DLG2: variants seen among roughly 807,000 people sequenced by gnomAD.
The protein encoded by DLG2 is disks large homolog 2.
Under a neutral mutation model 132.5 loss-of-function variants are expected in DLG2, and 45 were observed. That is an observed-to-expected ratio of 0.34 (90% confidence interval 0.27 to 0.44). The LOEUF (loss-of-function observed/expected upper bound fraction) is 0.44. Ranked by LOEUF, DLG2 falls within the 20% of genes least tolerant of loss-of-function variation. The pLI, the probability that DLG2 is intolerant of heterozygous loss-of-function variation, is 1.00. For missense variants in DLG2, 1,045 were observed against 1,196.9 expected, an observed-to-expected ratio of 0.87 and a Z score of 1.87; for synonymous variants, 424 against 419.6, an observed-to-expected ratio of 1.01 and a Z score of -0.13.
At chr11:83,882,432 G>C (rs1330095506) in intron 15 of DLG2, among the ~76,000 whole-genome samples, 1 of 151,674 alleles carries the variant, frequency 6.6e-6, no homozygotes, top group Non-Finnish European at 1.5e-5. Flanking sequence ...ATGGATATAA[G>C]TATGAAGAAA....
chr11:85,419,295 G>T (rs1274016769), intron 3 of DLG2, among the ~76,000 whole-genome samples: 1 of 152,180 alleles, frequency 6.6e-6, no homozygotes, highest in Non-Finnish European at 1.5e-5. Context: ...GAGATCTGAT[G>T]TTAGTCTGAT....
intron 4 of DLG2, among the ~76,000 whole-genome samples, chr11:85,283,462 TTAATAA>T (rs999850645): frequency 6.8e-6 from 1 of 146,912 alleles, no homozygotes; most frequent in East Asian, 2.0e-4. Flanking sequence ...ATAAGCAAAA[TTAATAA>T]TAATAAACAA....
chr11:85,121,817 T>G (rs149474236), intron 5 of DLG2, among the ~76,000 whole-genome samples: 1 of 152,322 alleles, frequency 6.6e-6, no homozygotes, highest in Non-Finnish European at 1.5e-5. Context: ...AACTATTTAT[T>G]GTGAAATGCA....
At chr11:85,021,365 C>T in intron 6 of DLG2, 11 of 1,327,510 alleles carry the variant, frequency 8.3e-6, no homozygotes, top group Non-Finnish European at 1.2e-5. Flanking sequence ...GATCGTTTCA[C>T]ACCTGCTTTT....
At chr11:84,294,458 T>G (rs2098059243) in intron 7 of DLG2, among the ~76,000 whole-genome samples, 1 of 151,488 alleles carries the variant, frequency 6.6e-6, no homozygotes, top group African/African-American at 2.4e-5. Flanking sequence ...ATAAGAAGGG[T>G]GTGTTGGCGC....
intron 6 of DLG2, among the ~76,000 whole-genome samples, chr11:84,996,616 A>G (rs1156415897): frequency 3.3e-5 from 5 of 152,190 alleles, no homozygotes; most frequent in African/African-American, 1.2e-4. Flanking sequence ...AGCAGTGACA[A>G]ATATCATTAC....
chr11:84,259,463 C>T (rs562436118), intron 7 of DLG2, among the ~76,000 whole-genome samples: 11 of 152,202 alleles, frequency 7.2e-5, no homozygotes, highest in Non-Finnish European at 2.9e-5. Context: ...CTGCTTTGCC[C>T]CTGCTCTACG....
chr11:83,674,943 T>G (rs1382798760), intron 18 of DLG2, among the ~76,000 whole-genome samples: 2 of 152,228 alleles, frequency 1.3e-5, no homozygotes, highest in African/African-American at 4.8e-5. Context: ...ACAAGCTTCA[T>G]GAGTGAAAAA....
intron 17 of DLG2, among the ~76,000 whole-genome samples, chr11:83,800,424 G>A (rs1299961154): frequency 1.3e-5 from 2 of 152,224 alleles, no homozygotes; most frequent in South Asian, 2.1e-4. Context: ...TTCAGAGTGA[G>A]TGAACTATAA....
At chr11:84,623,107 T>C (rs1021923929) in intron 6 of DLG2, among the ~76,000 whole-genome samples, 1 of 152,166 alleles carries the variant, frequency 6.6e-6, no homozygotes, top group Non-Finnish European at 1.5e-5. Context: ...AACACCACCC[T>C]TTTGATTATG....
At chr11:85,194,412 T>C (rs1165168803) in intron 4 of DLG2, among the ~76,000 whole-genome samples, 1 of 152,064 alleles carries the variant, frequency 6.6e-6, no homozygotes, top group East Asian at 1.9e-4. Flanking sequence ...TATTCATTGT[T>C]TTGGTCCCTC....
intron 7 of DLG2, among the ~76,000 whole-genome samples, chr11:84,524,853 T>A (rs576509386): frequency 4.6e-5 from 7 of 150,830 alleles, no homozygotes; most frequent in South Asian, 2.1e-4. Flanking sequence ...GGTATTTCTT[T>A]TTTTTTTTTT....
Position 85,285,247 on chromosome 11 carries a change from G to A in DLG2, c.159C>T (p.Cys53=). The change falls in exon 4 of 28, where the codon TGC becomes TGT. Residue 53 remains cysteine (C), a synonymous_variant. Coordinates refer to ENST00000376104, the MANE Select transcript of DLG2 (RefSeq NM_001142699.3). ...CTGAAGATTTTTGAAGTCTGTCATGGCACGGAGCAAGAAGGGATGTCTTCT... is the reference window on the plus strand; with the variant it reads ...CTGAAGATTTTTGAAGTCTGTCATGACACGGAGCAAGAAGGGATGTCTTCT... ...KWEKTSLLAP[C]HDRLQKSSEL... is the part of the protein sequence containing the mutation. 1.9e-6 allele frequency: 3 copies of A among 1,611,428 alleles called. No homozygotes were observed. Among genetic ancestry groups the A allele is most frequent in the Non-Finnish European group, 2.5e-6 (3 of 1,178,310 alleles).
chr11:83,878,343 T>A (rs2065289898), intron 15 of DLG2, among the ~76,000 whole-genome samples: 1 of 152,186 alleles, frequency 6.6e-6, no homozygotes, highest in South Asian at 2.1e-4. Flanking sequence ...AAGGCCCCCA[T>A]GACTTCTTGC....
intron 7 of DLG2, among the ~76,000 whole-genome samples, chr11:84,314,762 G>C (rs1288743776): frequency 2.6e-5 from 4 of 151,714 alleles, no homozygotes; most frequent in Non-Finnish European, 5.9e-5. Flanking sequence ...TACATAAGTA[G>C]TTAGGTATAG....
chr11:83,490,200 T>TAAAC (rs1180668664), intron 21 of DLG2, among the ~76,000 whole-genome samples: 1 of 150,460 alleles, frequency 6.6e-6, no homozygotes, highest in African/African-American at 2.4e-5. Context: ...GTATTAAATA[T>TAAAC]AAACATGACA....
chr11:84,504,662 T>G (rs2099233206), intron 7 of DLG2, among the ~76,000 whole-genome samples: 1 of 152,074 alleles, frequency 6.6e-6, no homozygotes, highest in Admixed American at 6.5e-5. Flanking sequence ...TAAACTAACC[T>G]TCTTAAAAAG....
intron 6 of DLG2, among the ~76,000 whole-genome samples, chr11:84,728,741 G>A (rs1456028439): frequency 1.3e-5 from 2 of 152,056 alleles, no homozygotes; most frequent in African/African-American, 4.8e-5. Flanking sequence ...TGGTTGTTAG[G>A]CTATTAAGTA....
chr11:85,220,629 G>GAAAA (rs568361391), intron 4 of DLG2, among the ~76,000 whole-genome samples: 59 of 144,524 alleles, frequency 4.1e-4, no homozygotes, highest in African/African-American at 1.5e-3. Flanking sequence ...ATATCAAATA[G>GAAAA]AAAAAAAAAT....
Sources: gnomAD v4.1 joint callset for allele counts (sites outside exome capture counted in the v4.1 genomes callset) on GRCh38, gnomAD v4.1.1 for gene constraint, MANE v1.5 for transcripts, NCBI Gene and HGNC (gene_info 2026-07-23, HGNC 2026-07-21) for gene names.